Variants in ARMH4 observed in about 807,000 individuals in gnomAD.
ARMH4 encodes armadillo-like helical domain-containing protein 4.
ARMH4 carries 49 observed loss-of-function variants against 61.9 expected under a neutral mutation model. The ratio of observed to expected loss-of-function variants is 0.79; its 90% CI spans 0.63 to 1.00. The LOEUF (loss-of-function observed/expected upper bound fraction) is 1.00, where lower values mean the gene tolerates loss of function less well. ARMH4 is among the 50% of genes least tolerant of loss of function. The probability of loss-of-function intolerance (pLI) is 0.00; values close to 1 mark genes in which losing one functional copy is unlikely to be tolerated. For missense variants in ARMH4, 934 were observed against 930.0 expected (o/e 1.00, Z -0.06); for synonymous variants, 368 against 341.5 (o/e 1.08, Z -0.85).
intron 6 of ARMH4, 109 bp downstream of exon 6, chr14:58,012,010 T>C: frequency 2.6e-6 from 2 of 780,034 alleles, no homozygotes; most frequent in Non-Finnish European, 4.1e-6. Flanking sequence ...TTTAGATAGA[T>C]TACCAGAATC....
chr14:58,056,932 C>A lies in ARMH4; in HGVS notation c.2089+39792G>T, dbSNP rs1325337887. On this transcript the variant is annotated intron_variant, in intron 5 of 7. Coordinates refer to ENST00000267485, the MANE Select transcript of ARMH4 (RefSeq NM_001001872.4). ...GTGATGTGCAACTCAGGGCCCACAC[C>A]TGAAGAGAGTAAGTTTGCCTCCTTC... Among the ~76,000 whole-genome samples the A allele has an allele frequency of 5.3e-5, 8 of 152,166 alleles. No homozygotes were observed. The East Asian group carries it at 1.3e-3, about 26-fold the overall frequency.
At chr14:58,107,927 AAAG>A (rs1886219973) in intron 4 of ARMH4, among the ~76,000 whole-genome samples, 1 of 152,184 alleles carries the variant, frequency 6.6e-6, no homozygotes, top group African/African-American at 2.4e-5. Flanking sequence ...CATCTTTCTC[AAAG>A]AAGAAACATT....
rs147997265 is a variant in ARMH4 at position 58,095,811 on chromosome 14, A to G, written c.2089+913T>C. Among the ~76,000 whole-genome samples the G allele has an allele frequency of 3.9e-3, 593 of 152,330 alleles. 6 individuals are homozygous for G. Among genetic ancestry groups the G allele is most frequent in the African/African-American group, 0.013 (558 of 41,572 alleles). ...TTTTCAATGACATATCCCCAAAACTAGTATTTGTACCAGTTTTTCTGACTC... is the reference window on the plus strand; with the variant it reads ...TTTTCAATGACATATCCCCAAAACTGGTATTTGTACCAGTTTTTCTGACTC... On this transcript the variant is annotated intron_variant, in intron 5 of 7. Coordinates refer to ENST00000267485, the MANE Select transcript of ARMH4 (RefSeq NM_001001872.4).
chr14:58,004,831 A>G (rs1224819072), intron 7 of ARMH4, 27 bp from the exon 8 acceptor site: 34 of 1,598,028 alleles, frequency 2.1e-5, no homozygotes, highest in Non-Finnish European at 2.7e-5. Context: ...GAAAAGCATT[A>G]AACTCTTTCT....
At chr14:58,048,629 G>T (rs1176952374) in intron 5 of ARMH4, among the ~76,000 whole-genome samples, 1 of 152,018 alleles carries the variant, frequency 6.6e-6, no homozygotes, top group African/African-American at 2.4e-5. Flanking sequence ...TTCTTTGAAG[G>T]GAACAACAAC....
intron 5 of ARMH4, among the ~76,000 whole-genome samples, chr14:58,040,518 T>C (rs939092392): frequency 1.3e-5 from 2 of 152,234 alleles, no homozygotes; most frequent in African/African-American, 2.4e-5. Context: ...AGCTGCATAG[T>C]ATTCCATGGT....
chr14:58,150,699 A>G lies in ARMH4; in HGVS notation c.-57+1376T>C, dbSNP rs137966706. Among the ~76,000 whole-genome samples the G allele has an allele frequency of 3.0e-3, 461 of 152,240 alleles. 5 individuals carry two copies. The highest frequency in any genetic ancestry group is 0.011 in the African/African-American group (449 of 41,540). ...GTTTCTATGAATAAACTCAACTAAT[A>G]TCAAATCTGTCTGCTGCACAAGTGC... On this transcript the variant is annotated intron_variant, in intron 1 of 7. Transcript: ENST00000267485.
intron 4 of ARMH4, among the ~76,000 whole-genome samples, chr14:58,106,661 G>A (rs17094355): frequency 0.074 from 11,205 of 152,168 alleles, 558 homozygotes; most frequent in African/African-American, 0.14. Context: ...CAAAGCCCAC[G>A]ACGATACTTT....
chr14:58,098,545 T>C (rs1202801025), intron 4 of ARMH4, among the ~76,000 whole-genome samples: 1 of 152,250 alleles, frequency 6.6e-6, no homozygotes, highest in Non-Finnish European at 1.5e-5. Flanking sequence ...AAAGCTTTTC[T>C]GACAAGGTAA....
In ARMH4 at chr14:58,004,970, C is replaced by T. The variant is rs1050965994; in HGVS notation, c.2256+78G>A. The stretch of plus-strand genomic sequence containing the variant: ...ATACCACCCAAGCATCATTAAACCC[C>T]GTGTGCTTTATTAAGTAAATTAGAT... On this transcript the variant is annotated intron_variant, in intron 7 of 7. Transcript: ENST00000267485. 14 of 1,593,088 alleles carry T rather than the reference C, an allele frequency of 8.8e-6. No individual in the cohort carries two copies. The East Asian group carries it at 9.0e-5, about 10-fold the overall frequency.
chr14:58,071,248 T>C (rs1055784035), intron 5 of ARMH4, among the ~76,000 whole-genome samples: 1 of 151,778 alleles, frequency 6.6e-6, no homozygotes, highest in Non-Finnish European at 1.5e-5. Flanking sequence ...TGTTAATGAT[T>C]CATCAGAACA....
At chr14:58,109,618 T>A (rs1886281275) in intron 4 of ARMH4, among the ~76,000 whole-genome samples, 2 of 152,252 alleles carry the variant, frequency 1.3e-5, no homozygotes, top group South Asian at 4.1e-4. Flanking sequence ...ACACTGGCTA[T>A]TTCTTGGCCT....
rs1450898853 is a variant in ARMH4, at chr14:58,131,539, A to G, written c.1804T>C (p.Tyr602His). Residue 602 changes from tyrosine (Y) to histidine (H), a missense_variant, in exon 4 of 8, where the codon TAT becomes CAT. Physicochemically the swap from Tyr to His is moderately conservative, Grantham distance 83 (BLOSUM62 2). Transcript: ENST00000267485. ...SITRVNTAAS[Y>H]GLDQLESEEG... ...TCAGATTCAAGTTGGTCCAGGCCAT[A>G]TGAGGCAGCTGTATTAACACGAGTA... 6.2e-7 allele frequency: 1 copy of G among 1,614,196 alleles called. No individual in the cohort carries two copies. The highest frequency in any genetic ancestry group is 1.7e-5 in the Admixed American group (1 of 60,028).
intron 5 of ARMH4, among the ~76,000 whole-genome samples, chr14:58,029,745 C>A (rs570187556): frequency 3.3e-5 from 5 of 152,268 alleles, no homozygotes; most frequent in Middle Eastern, 3.4e-3. Context: ...AACTCTCATA[C>A]GTTGCTGGTG....
rs192986932 is a variant in ARMH4, at chr14:58,136,022, T to C, written c.1369+1968A>G. Among the ~76,000 whole-genome samples the C allele has an allele frequency of 1.8e-3, 281 of 152,322 alleles. 7 individuals carry two copies. The highest frequency in any genetic ancestry group is 0.018 in the Admixed American group (276 of 15,312). On this transcript the variant is annotated intron_variant, in intron 2 of 7. Transcript: ENST00000267485. ...AAAGAACATTTAGAAGTTGTTTGAT[T>C]GACTTTGGGTAAGGTAGGCAATCAC... is the stretch of plus-strand genomic sequence containing the variant.
chr14:58,015,108 T>C (rs1267855857), intron 5 of ARMH4, among the ~76,000 whole-genome samples: 2 of 152,202 alleles, frequency 1.3e-5, no homozygotes, highest in East Asian at 1.9e-4. Context: ...AACTTAGGCC[T>C]TATCAATCCA....
intron 5 of ARMH4, among the ~76,000 whole-genome samples, chr14:58,087,773 C>T (rs1457293780): frequency 6.6e-6 from 1 of 152,150 alleles, no homozygotes; most frequent in East Asian, 1.9e-4. Flanking sequence ...ATTATCTATG[C>T]CATCAATCCT....
intron 4 of ARMH4, among the ~76,000 whole-genome samples, chr14:58,115,713 C>T (rs1018491138): frequency 1.3e-5 from 2 of 152,142 alleles, no homozygotes; most frequent in African/African-American, 4.8e-5. Context: ...GATACATATA[C>T]ACCATGGAAT....
In ARMH4 at chr14:58,004,505, G is replaced by A. The variant is rs543362459; in HGVS notation, c.*231C>T. 3.1e-5 allele frequency: 12 copies of A among 385,346 alleles called. No homozygotes were observed. The South Asian group carries it at 3.5e-4, about 11-fold the overall frequency. 23.9% of individuals were successfully genotyped at this position (385,346 alleles called of 1,614,324 possible). A position where few individuals can be genotyped will look rare whatever the true frequency, so the allele number is the denominator to read the frequency against. On this transcript the variant is annotated 3_prime_UTR_variant, in exon 8 of 8. Transcript: ENST00000267485. ...TGCATATTTATGAGTTGTAGCCCAC[G>A]GTTGTGGAAAATTCACTACAGAATA...
Sources: allele counts gnomAD v4.1 joint callset (sites outside exome capture counted in the v4.1 genomes callset), GRCh38; gene constraint gnomAD v4.1.1; transcripts MANE v1.5; gene names NCBI Gene and HGNC (gene_info 2026-07-23, HGNC 2026-07-21).